The following P3H2 variants were observed in gnomAD, a reference collection of about 807,000 sequenced individuals.
P3H2 encodes prolyl 3-hydroxylase 2.
A neutral mutation model predicts 87.0 loss-of-function variants in P3H2; 80 were observed. The observed-to-expected ratio is 0.92, with a 90% CI of 0.77 to 1.11. The LOEUF (loss-of-function observed/expected upper bound fraction) is 1.11, where lower values mean the gene tolerates loss of function less well. Ranked by LOEUF, P3H2 falls within the 50% of genes least tolerant of loss-of-function variation. P3H2 has a pLI of 0.00. For synonymous variants in P3H2, 367 were observed against 359.3 expected (o/e 1.02, Z -0.24); for missense variants, 1,001 against 923.9 (o/e 1.08, Z -1.08).
chr3:189,961,953 A>C (rs1314639869), intron 14 of P3H2, among the ~76,000 whole-genome samples: 1 of 152,156 alleles, frequency 6.6e-6, no homozygotes, highest in Non-Finnish European at 1.5e-5. Flanking sequence ...TAATATTTCA[A>C]TAATTTTATC....
chr3:190,110,037 T>C (rs112479830), intron 1 of P3H2, among the ~76,000 whole-genome samples: 18,780 of 151,782 alleles, frequency 0.12, 1,291 homozygotes, highest in Middle Eastern at 0.2. Flanking sequence ...TTAGTAGAGT[T>C]GGGGTTTCAC....
chr3:190,029,232 T>C, intron 1 of P3H2, among the ~76,000 whole-genome samples: 1 of 152,218 alleles, frequency 6.6e-6, no homozygotes, highest in East Asian at 1.9e-4. Context: ...ATTGATTCAA[T>C]CCACCATGAA....
intron 3 of P3H2, 39 bp downstream of exon 3, chr3:189,994,055 T>G: frequency 6.7e-7 from 1 of 1,485,294 alleles, no homozygotes; most frequent in Non-Finnish European, 9.3e-7. Context: ...AGTATTTTTA[T>G]AATCAAGAAA....
chr3:189,964,186 A>C, intron 13 of P3H2, 88 bp from the exon 14 acceptor site: 1 of 1,242,710 alleles, frequency 8.0e-7, no homozygotes, highest in Non-Finnish European at 1.2e-6. Context: ...AGATTATTTG[A>C]GTTAAGGCCT....
In P3H2 at chr3:189,995,430, C is replaced by T. The variant is rs756832334; in HGVS notation, c.493G>A (p.Glu165Lys). Residue 165 changes from glutamate (E) to lysine (K), a missense_variant, in exon 2 of 15, where the codon GAA becomes AAA. Glu to Lys is a moderately conservative substitution (Grantham distance 56). Coordinates refer to ENST00000319332, the MANE Select transcript of P3H2 (RefSeq NM_018192.4). ...QRAYIKLNQL[E>K]KAVEAAHTFF... is the part of the protein sequence containing the mutation. The stretch of plus-strand genomic sequence containing the variant: ...GTGTGAGCTGCTTCCACTGCTTTTT[C>T]GAGCTGGTTAAGCTAAAGAGAAAAA... 1.1e-5 allele frequency: 17 copies of T among 1,613,288 alleles called. No individual in the cohort carries two copies. The East Asian group carries it at 1.8e-4, about 17-fold the overall frequency.
chr3:190,083,877 C>A lies in P3H2; in HGVS notation c.480+36375G>T, dbSNP rs1398533689. ...AGAGTAATGTTTGTTTAAAAGTGAA[C>A]GAACAATAACCACAAGCTTGGCTGG... On this transcript the variant is annotated intron_variant, in intron 1 of 14. Coordinates refer to ENST00000319332, the MANE Select transcript of P3H2 (RefSeq NM_018192.4). 2.0e-5 allele frequency among the ~76,000 whole-genome samples: 3 copies of A among 152,112 alleles called. No homozygotes were observed. The South Asian group carries it at 6.2e-4, about 32-fold the overall frequency.
intron 13 of P3H2, among the ~76,000 whole-genome samples, chr3:189,970,190 A>AC: frequency 1.4e-5 from 1 of 71,232 alleles, no homozygotes; most frequent in African/African-American, 6.1e-5. Flanking sequence ...ATATATATGC[A>AC]AATATATATA....
intron 1 of P3H2, among the ~76,000 whole-genome samples, chr3:190,068,726 T>C (rs1028733289): frequency 6.6e-5 from 10 of 152,060 alleles, no homozygotes; most frequent in Non-Finnish European, 8.8e-5. Context: ...GGGAGAAGGC[T>C]TATCACTTAA....
chr3:190,082,138 C>G, intron 1 of P3H2, among the ~76,000 whole-genome samples: 1 of 152,150 alleles, frequency 6.6e-6, no homozygotes, highest in East Asian at 1.9e-4. Context: ...TGTCTGTAAT[C>G]CCAGCTACTC....
At chr3:190,056,327 CCTGATAGAGA>C (rs1353221690) in intron 1 of P3H2, among the ~76,000 whole-genome samples, 1 of 152,170 alleles carries the variant, frequency 6.6e-6, no homozygotes, top group Admixed American at 6.5e-5. Flanking sequence ...AAGCTGTCCC[CCTGATAGAGA>C]CCACAGGCAG....
At chr3:190,030,754 G>A (rs965294130) in intron 1 of P3H2, among the ~76,000 whole-genome samples, 13 of 152,044 alleles carry the variant, frequency 8.6e-5, no homozygotes, top group African/African-American at 3.1e-4. Context: ...GAGAGAAAAT[G>A]GGAGAAAATA....
chr3:189,962,365 G>T (rs1722845439), intron 14 of P3H2, among the ~76,000 whole-genome samples: 1 of 151,732 alleles, frequency 6.6e-6, no homozygotes, highest in South Asian at 2.1e-4. Flanking sequence ...AGTAGAGATG[G>T]GGTTTCACCA....
intron 8 of P3H2, among the ~76,000 whole-genome samples, chr3:189,979,794 T>C (rs551866387): frequency 6.1e-4 from 92 of 150,996 alleles, no homozygotes; most frequent in Admixed American, 3.3e-4. Context: ...AAACCCCGTC[T>C]CTACTAAAAA....
intron 1 of P3H2, among the ~76,000 whole-genome samples, chr3:190,056,043 G>T (rs1395163732): frequency 6.6e-6 from 1 of 152,032 alleles, no homozygotes; most frequent in African/African-American, 2.4e-5. Context: ...TTTAGGATGG[G>T]GCTATGACAT....
intron 1 of P3H2, among the ~76,000 whole-genome samples, chr3:190,058,549 G>T (rs1445315081): frequency 6.6e-6 from 1 of 152,138 alleles, no homozygotes; most frequent in African/African-American, 2.4e-5. Context: ...GGAGTGAGTA[G>T]ATGTCCAGGA....
chr3:190,120,625 A>G lies in P3H2; in HGVS notation c.107T>C (p.Leu36Pro). Reference protein sequence around the residue: ...PPDSPRRELELEPGPLQPFDL... With the variant: ...PPDSPRRELEPEPGPLQPFDL... ...GAAGGGCTGCAGAGGCCCGGGCTCC[A>G]GCTCCAGCTCCCGGCGTGGGCTGTC... The change falls in exon 1 of 15, where the codon CTG becomes CCG. Residue 36 changes from leucine (L) to proline (P), a missense_variant. Coordinates refer to ENST00000319332, the MANE Select transcript of P3H2 (RefSeq NM_018192.4). 2.0e-6 allele frequency: 3 copies of G among 1,532,636 alleles called. No homozygotes were observed. The highest frequency in any genetic ancestry group is 1.7e-6 in the Non-Finnish European group (2 of 1,148,222). 94.9% of individuals were successfully genotyped at this position (1,532,636 alleles called of 1,614,324 possible).
chr3:190,113,903 C>T (rs868000674), intron 1 of P3H2, among the ~76,000 whole-genome samples: 2 of 151,952 alleles, frequency 1.3e-5, no homozygotes, highest in African/African-American at 4.8e-5. Context: ...CGGTGAAACC[C>T]CGTCTCTACT....
At chr3:190,057,939 C>T (rs1726210269) in intron 1 of P3H2, among the ~76,000 whole-genome samples, 1 of 151,906 alleles carries the variant, frequency 6.6e-6, no homozygotes, top group African/African-American at 2.4e-5. Flanking sequence ...TGACCTTCAA[C>T]TTGAAGTACT....
At chr3:190,043,088 A>G (rs540304821) in intron 1 of P3H2, among the ~76,000 whole-genome samples, 212 of 150,844 alleles carry the variant, frequency 1.4e-3, no homozygotes, top group African/African-American at 5.0e-3. Flanking sequence ...TGAAAATGTA[A>G]GAAATGAAAC....
Sources: allele counts gnomAD v4.1 joint callset (sites outside exome capture counted in the v4.1 genomes callset), GRCh38; gene constraint gnomAD v4.1.1; transcripts MANE v1.5; gene names NCBI Gene and HGNC (gene_info 2026-07-23, HGNC 2026-07-21).